SYT14: variants seen among roughly 807,000 people sequenced by gnomAD.
SYT14 encodes the protein synaptotagmin-14.
SYT14 carries 32 observed loss-of-function variants against 74.2 expected under a neutral mutation model. The observed-to-expected ratio is 0.43, with a 90% CI of 0.33 to 0.58. The LOEUF is 0.58. Ranked by LOEUF, SYT14 falls within the 20% of genes least tolerant of loss-of-function variation. The pLI is 0.05. For missense variants in SYT14, 791 were observed against 981.8 expected (o/e 0.81, Z 2.60); for synonymous variants, 298 against 337.7 (o/e 0.88, Z 1.29).
intron 5 of SYT14, among the ~76,000 whole-genome samples, chr1:210,025,611 C>T (rs1223109971): frequency 6.6e-6 from 1 of 151,996 alleles, no homozygotes; most frequent in Non-Finnish European, 1.5e-5. Context: ...TCTACTCCTA[C>T]AAATCTGCAG....
chr1:210,105,972 A>T (rs1342880425), intron 7 of SYT14, among the ~76,000 whole-genome samples: 1 of 152,216 alleles, frequency 6.6e-6, no homozygotes, highest in African/African-American at 2.4e-5. Flanking sequence ...CCATGCTTGT[A>T]CAGCCTGCAG....
exon 10 of SYT14, chr1:210,165,793 T>C (rs1352428924): frequency 1.3e-5 from 2 of 152,252 alleles, no homozygotes; most frequent in Non-Finnish European, 2.9e-5. Flanking sequence ...AAATATTGAA[T>C]TGAACTAAAT....
At chr1:210,045,134 A>C (rs903275170) in intron 5 of SYT14, among the ~76,000 whole-genome samples, 1 of 152,194 alleles carries the variant, frequency 6.6e-6, no homozygotes, top group Non-Finnish European at 1.5e-5. Flanking sequence ...TTTAGACTTG[A>C]ATAGACTCAT....
chr1:209,975,006 C>A (rs1257145365), intron 2 of SYT14, among the ~76,000 whole-genome samples: 2 of 152,142 alleles, frequency 1.3e-5, no homozygotes, highest in African/African-American at 4.8e-5. Flanking sequence ...TGATTCGGCT[C>A]TCTGTTTGTC....
At chr1:210,017,683 C>T (rs1000519472) in intron 4 of SYT14, among the ~76,000 whole-genome samples, 3 of 152,098 alleles carry the variant, frequency 2.0e-5, no homozygotes, top group African/African-American at 7.2e-5. Context: ...CATGAGTTCT[C>T]TATGTAGAAT....
At chr1:210,138,645 A>G (rs2082841953) in intron 7 of SYT14, among the ~76,000 whole-genome samples, 1 of 152,330 alleles carries the variant, frequency 6.6e-6, no homozygotes, top group African/African-American at 2.4e-5. Context: ...TACTAAATTC[A>G]TACATCACAG....
intron 1 of SYT14, among the ~76,000 whole-genome samples, chr1:209,943,639 A>G (rs1036465171): frequency 6.6e-6 from 1 of 151,706 alleles, no homozygotes; most frequent in African/African-American, 2.4e-5. Flanking sequence ...TTGCATTATC[A>G]GTTTATTTGA....
At chr1:210,137,971 G>A (rs778962663) in intron 7 of SYT14, among the ~76,000 whole-genome samples, 7 of 152,032 alleles carry the variant, frequency 4.6e-5, no homozygotes, top group East Asian at 1.9e-4. Context: ...GAGCCACTGC[G>A]CCCAGCCTCT....
chr1:209,977,353 C>T (rs991921043), intron 2 of SYT14, among the ~76,000 whole-genome samples: 1 of 152,114 alleles, frequency 6.6e-6, no homozygotes, highest in Non-Finnish European at 1.5e-5. Flanking sequence ...CTGGTTGTTC[C>T]TTTCCATGTT....
At chr1:210,137,617 A>C (rs1471409952) in intron 7 of SYT14, among the ~76,000 whole-genome samples, 2 of 151,248 alleles carry the variant, frequency 1.3e-5, no homozygotes, top group Non-Finnish European at 2.9e-5. Flanking sequence ...TAGGTAGAGT[A>C]GGTTGATTTG....
At chr1:210,114,007 G>C (rs2082311556) in intron 7 of SYT14, among the ~76,000 whole-genome samples, 1 of 151,390 alleles carries the variant, frequency 6.6e-6, no homozygotes, top group South Asian at 2.1e-4. Context: ...ACCTTCCACT[G>C]TAAGAGTTAC....
intron 7 of SYT14, among the ~76,000 whole-genome samples, chr1:210,152,471 G>A (rs2083183924): frequency 6.6e-6 from 1 of 151,984 alleles, no homozygotes; most frequent in Non-Finnish European, 1.5e-5. Flanking sequence ...AATCTTCAAA[G>A]AAAGTTCTGT....
At chr1:209,953,120 G>A (rs769975358) in intron 2 of SYT14, 1 of 1,298,520 alleles carries the variant, frequency 7.7e-7, no homozygotes, top group South Asian at 1.2e-5. Flanking sequence ...CCCCATCAGA[G>A]AGATGTGAGG....
intron 1 of SYT14, among the ~76,000 whole-genome samples, chr1:209,950,456 A>C (rs561556201): frequency 6.6e-6 from 1 of 152,188 alleles, no homozygotes; most frequent in Non-Finnish European, 1.5e-5. Context: ...GCCTTTCAGC[A>C]AGTGATCTGT....
chr1:210,157,744 AAAT>A (rs2083296401), intron 8 of SYT14, among the ~76,000 whole-genome samples: 1 of 151,610 alleles, frequency 6.6e-6, no homozygotes, highest in Admixed American at 6.6e-5. Context: ...CCATCTAAAA[AAAT>A]AAAAATAAAA....
intron 5 of SYT14, among the ~76,000 whole-genome samples, chr1:210,056,153 A>T (rs989692923): frequency 6.6e-6 from 1 of 152,168 alleles, no homozygotes; most frequent in African/African-American, 2.4e-5. Context: ...AGTACATTTG[A>T]TGACATCGTA....
intron 7 of SYT14, among the ~76,000 whole-genome samples, chr1:210,149,242 T>C (rs2083109858): frequency 1.4e-5 from 2 of 143,528 alleles, no homozygotes; most frequent in South Asian, 4.5e-4. Flanking sequence ...TGGAGTACAA[T>C]GGCATGATGT....
chr1:209,991,646 A>G (rs1314580308), intron 2 of SYT14, among the ~76,000 whole-genome samples: 1 of 152,160 alleles, frequency 6.6e-6, no homozygotes, highest in South Asian at 2.1e-4. Context: ...CCTGGCCAAT[A>G]TAGTGAAACC....
chr1:210,033,227 G>T (rs998298034), intron 5 of SYT14, among the ~76,000 whole-genome samples: 68 of 151,828 alleles, frequency 4.5e-4, no homozygotes, highest in Admixed American at 2.0e-3. Flanking sequence ...GATAGACCAT[G>T]AGAGTTGAGT....
Sources: allele counts gnomAD v4.1 joint callset (sites outside exome capture counted in the v4.1 genomes callset), GRCh38; gene constraint gnomAD v4.1.1; transcripts MANE v1.5; gene names NCBI Gene and HGNC (gene_info 2026-07-23, HGNC 2026-07-21).